SPATC1L: variants seen among roughly 807,000 people sequenced by gnomAD.
SPATC1L encodes the protein speriolin-like protein.
A neutral mutation model predicts 21.2 loss-of-function variants in SPATC1L; 20 were observed. The observed-to-expected ratio is 0.94, with a 90% CI of 0.66 to 1.37. SPATC1L has a LOEUF of 1.37. Among genes scored for constraint, SPATC1L ranks in the 40% most tolerant of loss-of-function variants. The pLI is 0.00. For synonymous variants in SPATC1L, 290 were observed against 234.5 expected (o/e 1.24, Z -2.16); for missense variants, 499 against 478.7 (o/e 1.04, Z -0.40).
chr21:46,179,634 T>A (rs2079657318), intron 2 of SPATC1L, among the ~76,000 whole-genome samples: 1 of 152,118 alleles, frequency 6.6e-6, no homozygotes, highest in Non-Finnish European at 1.5e-5. Context: ...GAGTTGCACA[T>A]AGAGAATTCT....
chr21:46,182,625 T>C lies in SPATC1L; in HGVS notation c.192A>G (p.Gly64=). Residue 64 remains glycine, a splice_region_variant and synonymous_variant, in exon 2 of 5, where the codon GGA becomes GGG. Transcript: ENST00000291672. ...CATCTGAGCTGGGCGGCGCCTCACC[T>C]CCGCTCCCGGGGGAGCCGGCCTCAG... The part of the protein sequence containing the change: ...AYPEAGSPGS[G]VPDFGRFTSV... 6.7e-7 allele frequency: 1 copy of C among 1,500,262 alleles called. No individual in the cohort carries two copies. The highest frequency in any genetic ancestry group is 8.9e-7 in the Non-Finnish European group (1 of 1,124,704). The allele number at this position is 1,500,262 out of a possible 1,614,324, so 92.9% of individuals were successfully genotyped here. A position where few individuals can be genotyped will look rare whatever the true frequency, so the allele number is the denominator to read the frequency against.
At chr21:46,174,617 A>G (rs62214055) in intron 2 of SPATC1L, among the ~76,000 whole-genome samples, 9,049 of 152,244 alleles carry the variant, frequency 0.059, 373 homozygotes, top group Non-Finnish European at 0.094. Flanking sequence ...ACCTAACTAC[A>G]CTAAATATAT....
chr21:46,162,070 G>A lies in SPATC1L; in HGVS notation c.545-3C>T. The A allele has an allele frequency of 1.3e-6, 2 of 1,568,894 alleles. No homozygotes were observed. Among genetic ancestry groups the A allele is most frequent in the Non-Finnish European group, 8.6e-7 (1 of 1,159,530 alleles). On this transcript the variant is annotated splice_polypyrimidine_tract_variant and splice_region_variant and intron_variant, in intron 3 of 4. Transcript: ENST00000291672. ...GGCGCCCGCGAAGCTCTGGATCTCT[G>A]GGGGAGGGAAGGCCGGGGACAAGGT...
intron 3 of SPATC1L, among the ~76,000 whole-genome samples, chr21:46,166,289 C>A (rs1371655164): frequency 6.6e-6 from 1 of 152,032 alleles, no homozygotes; most frequent in African/African-American, 2.4e-5. Context: ...TCACTTGAAC[C>A]CAGGAGGCGG....
chr21:46,174,350 A>AAAAAAAAAAAAC, intron 2 of SPATC1L, among the ~76,000 whole-genome samples: 1 of 148,254 alleles, frequency 6.7e-6, no homozygotes, highest in South Asian at 2.3e-4. Context: ...AAAACAAAAA[A>AAAAAAAAAAAAC]AAAAAAAAAA....
chr21:46,181,099 G>A (rs151162291), intron 2 of SPATC1L, among the ~76,000 whole-genome samples: 154 of 152,308 alleles, frequency 1.0e-3, no homozygotes, highest in African/African-American at 3.6e-3. Flanking sequence ...TGAGGAGGAG[G>A]ACAGCAACGC....
At chr21:46,168,215 G>C (rs923803171) in intron 3 of SPATC1L, 93 bp downstream of exon 3, 1 of 815,484 alleles carries the variant, frequency 1.2e-6, no homozygotes, top group African/African-American at 1.7e-5. Flanking sequence ...ACTGGATGGA[G>C]AAACGGCCCT....
chr21:46,165,643 T>A, intron 3 of SPATC1L, among the ~76,000 whole-genome samples: 1 of 151,168 alleles, frequency 6.6e-6, no homozygotes, highest in South Asian at 2.1e-4. Context: ...GTATGAGGAG[T>A]CCTTTCCCTC....
intron 1 of SPATC1L, among the ~76,000 whole-genome samples, 200 bp from the exon 2 acceptor site, chr21:46,183,974 G>C (rs370494940): frequency 6.8e-6 from 1 of 147,598 alleles, no homozygotes; most frequent in African/African-American, 2.5e-5. Context: ...CCAGTCTTGC[G>C]GGGGAGACCA....
At chr21:46,172,225 G>A (rs1029140484) in intron 2 of SPATC1L, among the ~76,000 whole-genome samples, 2 of 150,224 alleles carry the variant, frequency 1.3e-5, no homozygotes, top group African/African-American at 4.9e-5. Flanking sequence ...GTTGTGCAGA[G>A]CACAAAGCGG....
In SPATC1L at chr21:46,161,677, A is replaced by ACGGAGC. The variant is rs779047262; in HGVS notation, c.719_724dup (p.Gly240_Ser241dup). On this transcript the variant is annotated inframe_insertion, in exon 5 of 5. Coordinates refer to ENST00000291672, the MANE Select transcript of SPATC1L (RefSeq NM_001142854.2). ...CAGCTCGCGCAGCTTCCTCTCGTCC[A>ACGGAGC]CGGAGCCGTCCAGAGACTTGGTGGA... is the stretch of plus-strand genomic sequence containing the variant. The ACGGAGC allele has an allele frequency of 2.5e-6, 4 of 1,605,488 alleles. No individual in the cohort carries two copies. Among genetic ancestry groups the ACGGAGC allele is most frequent in the Non-Finnish European group, 3.4e-6 (4 of 1,176,776 alleles).
chr21:46,166,769 GATA>G (rs1365874700), intron 3 of SPATC1L, among the ~76,000 whole-genome samples: 1 of 152,176 alleles, frequency 6.6e-6, no homozygotes, highest in Non-Finnish European at 1.5e-5. Context: ...GGAGCACCCA[GATA>G]TGTAAAGCAA....
rs1569001200 is a variant in SPATC1L at position 46,172,102 on chromosome 21, A to AT, written c.194-3445_194-3444insA. On this transcript the variant is annotated intron_variant, in intron 2 of 4. Coordinates refer to ENST00000291672, the MANE Select transcript of SPATC1L (RefSeq NM_001142854.2). ...GGGGATGCACAGAGCATGAGGCAGGAGTGCAGAGCATGAGGCGGGGGATGC... is the reference window on the plus strand; with the variant it reads ...GGGGATGCACAGAGCATGAGGCAGGATGTGCAGAGCATGAGGCGGGGGATGC... Among the ~76,000 whole-genome samples, 35 of 127,106 alleles carry AT rather than the reference A, an allele frequency of 2.8e-4. 2 individuals are homozygous for AT. The East Asian group carries it at 6.3e-3, about 23-fold the overall frequency. 83.4% of individuals were successfully genotyped at this position (127,106 alleles called of 152,430 possible).
chr21:46,178,596 G>C (rs1294471792), intron 2 of SPATC1L, among the ~76,000 whole-genome samples: 1 of 151,986 alleles, frequency 6.6e-6, no homozygotes. Context: ...TTTTAAAAAA[G>C]AAATACATGG....
chr21:46,173,428 T>A (rs577478024), intron 2 of SPATC1L, among the ~76,000 whole-genome samples: 17 of 152,088 alleles, frequency 1.1e-4, no homozygotes, highest in Non-Finnish European at 2.1e-4. Flanking sequence ...ACTCCCCACA[T>A]CACTCTGCTG....
In SPATC1L at chr21:46,181,223, C is replaced by T. The variant is rs544091768; in HGVS notation, c.193+1401G>A. On this transcript the variant is annotated intron_variant, in intron 2 of 4. Transcript: ENST00000291672. ...CTGTGAACGGGACCCTGCACGTGGC[C>T]CAGCACCGTAAGCGCAGGTCTGCCC... is the stretch of plus-strand genomic sequence containing the variant. Among the ~76,000 whole-genome samples the T allele has an allele frequency of 2.8e-4, 43 of 152,314 alleles. No homozygotes were observed. The South Asian group carries it at 2.9e-3, about 10-fold the overall frequency.
intron 2 of SPATC1L, among the ~76,000 whole-genome samples, chr21:46,174,887 C>G (rs564762316): frequency 8.5e-5 from 13 of 152,366 alleles, no homozygotes; most frequent in Admixed American, 5.2e-4. Flanking sequence ...GGCACACACT[C>G]TAAATTCAAT....
At chr21:46,172,389 C>G (rs2037095352) in intron 2 of SPATC1L, among the ~76,000 whole-genome samples, 1 of 152,244 alleles carries the variant, frequency 6.6e-6, no homozygotes, top group African/African-American at 2.4e-5. Context: ...TGGCAAGAAG[C>G]TGAGATACCT....
chr21:46,183,412 G>A lies in SPATC1L; in HGVS notation c.-596C>T, dbSNP rs1048302122. On this transcript the variant is annotated 5_prime_UTR_variant, in exon 2 of 5. Transcript: ENST00000291672. Reference sequence around the variant, plus strand: ...AAGGGCAGTGGGAGGAGACCAGCATGTGGGGGAGACCAGCCTGGTGGGGAG... The same window carrying A: ...AAGGGCAGTGGGAGGAGACCAGCATATGGGGGAGACCAGCCTGGTGGGGAG... 57 of 182,448 alleles carry A rather than the reference G, an allele frequency of 3.1e-4. No individual in the cohort carries two copies. Among genetic ancestry groups the A allele is most frequent in the Non-Finnish European group, 4.6e-4 (39 of 85,104 alleles). 11.3% of individuals were successfully genotyped at this position (182,448 alleles called of 1,614,324 possible).
Sources: allele counts gnomAD v4.1 joint callset (sites outside exome capture counted in the v4.1 genomes callset), GRCh38; gene constraint gnomAD v4.1.1; transcripts MANE v1.5; gene names NCBI Gene and HGNC (gene_info 2026-07-23, HGNC 2026-07-21).